CSNK1D: variants seen among roughly 807,000 people sequenced by gnomAD.
The protein encoded by CSNK1D is casein kinase I isoform delta.
Under a neutral mutation model 46.6 loss-of-function variants are expected in CSNK1D, and 16 were observed. That is an observed-to-expected ratio of 0.34 (90% confidence interval 0.23 to 0.52). The LOEUF is 0.52. Among genes scored for constraint, CSNK1D ranks in the 20% least tolerant of loss-of-function variants. The pLI is 0.95. For missense variants in CSNK1D, 398 were observed against 578.4 expected, an observed-to-expected ratio of 0.69 and a Z score of 3.20; for synonymous variants, 276 against 228.2, an observed-to-expected ratio of 1.21 and a Z score of -1.89.
chr17:82,269,054 G>A (rs1213018150), intron 1 of CSNK1D, among the ~76,000 whole-genome samples: 5 of 145,488 alleles, frequency 3.4e-5, no homozygotes, highest in Non-Finnish European at 7.4e-5. Flanking sequence ...CTGAGATCGC[G>A]CCACTGCACC....
chr17:82,256,790 T>C lies in CSNK1D; in HGVS notation c.188-1213A>G, dbSNP rs141289503. Among the ~76,000 whole-genome samples, 172 of 152,238 alleles carry C rather than the reference T, an allele frequency of 1.1e-3. 1 individual carries two copies. Among genetic ancestry groups the C allele is most frequent in the Non-Finnish European group, 2.2e-3 (147 of 68,024 alleles). On this transcript the variant is annotated intron_variant, in intron 2 of 8. Transcript: ENST00000314028. ...TATCCACAAGAACATGTCTCTTCGGTATGTTTTCACAGCACTGGATCCGCA... is the reference window on the plus strand; with the variant it reads ...TATCCACAAGAACATGTCTCTTCGGCATGTTTTCACAGCACTGGATCCGCA...
chr17:82,239,977 CAGTA>C (rs764606597), downstream of CSNK1D: 89 of 1,233,434 alleles, frequency 7.2e-5, no homozygotes, highest in Non-Finnish European at 8.9e-5. Flanking sequence ...CCGGGGCCCT[CAGTA>C]GGTGCGTCGT....
Position 82,252,409 on chromosome 17 carries a change from TGAG to T in CSNK1D, c.736+22_736+24del. The stretch of plus-strand genomic sequence containing the variant: ...ATGCAACCCCTGTGAGCAGCTCCGC[TGAG>T]AAGAGGCCTCCAGAGACTTACAAGG... On this transcript the variant is annotated intron_variant, in intron 5 of 8. Transcript: ENST00000314028. This position sits in a 1 kb window ranked among gnomAD's most constrained non-coding sequence, Gnocchi z 4.6. 1 of 1,613,924 alleles carries T rather than the reference TGAG, an allele frequency of 6.2e-7. No individual in the cohort carries two copies. The highest frequency in any genetic ancestry group is 8.5e-7 in the Non-Finnish European group (1 of 1,179,870).
At position 82,247,729 on chromosome 17, in the gene CSNK1D, G is replaced by A. The variant is rs561899348; in HGVS notation, c.1197+1146C>T. 2.3e-4 allele frequency: 222 copies of A among 985,414 alleles called. No individual in the cohort carries two copies. In the South Asian group the frequency reaches 9.3e-3, roughly 41 times the overall value. The allele number at this position is 985,414 out of a possible 1,614,324, so 61.0% of individuals were successfully genotyped here. Reference sequence around the variant, plus strand: ...TGACAGCAGGGTTGTGTGCACGTAAGGGACCCATTCTCGTGACGCAGCCCA... The same window carrying A: ...TGACAGCAGGGTTGTGTGCACGTAAAGGACCCATTCTCGTGACGCAGCCCA... On this transcript the variant is annotated intron_variant, in intron 8 of 8. Coordinates refer to ENST00000314028, the MANE Select transcript of CSNK1D (RefSeq NM_001893.6).
Position 82,252,489 on chromosome 17 carries a change from C to T in CSNK1D, c.681G>A (p.Arg227=). 3 of 1,614,120 alleles carry T rather than the reference C, an allele frequency of 1.9e-6. No homozygotes were observed. The highest frequency in any genetic ancestry group is 2.5e-6 in the Non-Finnish European group (3 of 1,180,030). Residue 227 remains arginine, a synonymous_variant, in exon 5 of 9, where the codon AGG becomes AGA. Transcript: ENST00000314028. This position sits in a 1 kb window ranked among gnomAD's most constrained non-coding sequence, Gnocchi z 4.6. The part of the protein sequence containing the change: ...KAATKRQKYE[R]ISEKKMSTPI... ...GGGTGGACATTTTCTTCTCGCTAAT[C>T]CTTTCGTATTTCTGTCTCTTGGTGG...
At position 82,251,099 on chromosome 17, in the gene CSNK1D, A is replaced by C; in HGVS notation, c.885+280T>G. The C allele has an allele frequency of 2.2e-6, 1 of 450,092 alleles. No individual in the cohort carries two copies. Among genetic ancestry groups the C allele is most frequent in the Non-Finnish European group, 4.1e-6 (1 of 241,334 alleles). The allele number at this position is 450,092 out of a possible 1,614,324, so 27.9% of individuals were successfully genotyped here. A position where few individuals can be genotyped will look rare whatever the true frequency, so the allele number is the denominator to read the frequency against. ...GCCCCCAGGGCATGCTCTGGGCCCT[A>C]GCTCCGCTTGGTGACAGGGAGGGAA... On this transcript the variant is annotated intron_variant, in intron 6 of 8. Transcript: ENST00000314028. This position sits in a 1 kb window ranked among gnomAD's most constrained non-coding sequence, Gnocchi z 4.5.
chr17:82,249,159 G>GA lies in CSNK1D; in HGVS notation c.1058-146dup. ...TGTGGCCGATGGCCACCAACACTCA[G>GA]ATCCGGCCGGAGGGACACAAAGGGA... On this transcript the variant is annotated intron_variant, in intron 7 of 8. Transcript: ENST00000314028. The surrounding 1 kb of genome is among the most constrained non-coding windows in gnomAD (Gnocchi z 6.7). The GA allele has an allele frequency of 9.6e-7, 1 of 1,042,046 alleles. No homozygotes were observed. Among genetic ancestry groups the GA allele is most frequent in the South Asian group, 1.6e-5 (1 of 63,048 alleles). The allele number at this position is 1,042,046 out of a possible 1,614,324, so 64.5% of individuals were successfully genotyped here.
chr17:82,252,934 G>T lies in CSNK1D; in HGVS notation c.565+82C>A. 7.6e-7 allele frequency: 1 copy of T among 1,312,136 alleles called. No individual in the cohort carries two copies. Among genetic ancestry groups the T allele is most frequent in the South Asian group, 1.2e-5 (1 of 82,602 alleles). 81.3% of individuals were successfully genotyped at this position (1,312,136 alleles called of 1,614,324 possible). On this transcript the variant is annotated intron_variant, in intron 4 of 8. Transcript: ENST00000314028. The surrounding 1 kb of genome is among the most constrained non-coding windows in gnomAD (Gnocchi z 4.6). ...GACACGCTTGCAGCCCCAGCTCCCC[G>T]AGAGGCTGGCCTCTCCCTGGGCTGA...
chr17:82,262,327 A>G (rs985325822), intron 2 of CSNK1D, among the ~76,000 whole-genome samples: 2 of 152,208 alleles, frequency 1.3e-5, no homozygotes, highest in Admixed American at 6.5e-5. Context: ...CTGTGAAGTT[A>G]CACAGCCTTC....
At chr17:82,257,596 C>T (rs1448363909) in intron 2 of CSNK1D, among the ~76,000 whole-genome samples, 1 of 152,232 alleles carries the variant, frequency 6.6e-6, no homozygotes, top group Admixed American at 6.5e-5. Flanking sequence ...CAATGACTGA[C>T]AGCCGTGCCA....
In CSNK1D at chr17:82,255,486, G is replaced by A. The variant is rs1394727192; in HGVS notation, c.279C>T (p.Phe93=). The change falls in exon 3 of 9, where the codon TTC becomes TTT. Residue 93 remains phenylalanine (F), a synonymous_variant. Coordinates refer to ENST00000314028, the MANE Select transcript of CSNK1D (RefSeq NM_001893.6). This position sits in a 1 kb window ranked among gnomAD's most constrained non-coding sequence, Gnocchi z 5.9. ...GGCTGAATTTCCTGGAGCAGAAGTT[G>A]AAGAGGTCCTCCAGGCTTGGCCCCA... The part of the protein sequence containing the change: ...ELLGPSLEDL[F]NFCSRKFSLK... 1 of 1,614,184 alleles carries A rather than the reference G, an allele frequency of 6.2e-7. No homozygotes were observed. The highest frequency in any genetic ancestry group is 1.3e-5 in the African/African-American group (1 of 75,038).
chr17:82,273,688 G>T lies in CSNK1D; in HGVS notation c.-307C>A. 4.0e-6 allele frequency: 2 copies of T among 500,130 alleles called. No individual in the cohort carries two copies. The highest frequency in any genetic ancestry group is 5.1e-4 in the Middle Eastern group (1 of 1,966). The allele number at this position is 500,130 out of a possible 1,614,324, so 31.0% of individuals were successfully genotyped here. A position where few individuals can be genotyped will look rare whatever the true frequency, so the allele number is the denominator to read the frequency against. On this transcript the variant is annotated 5_prime_UTR_variant, in exon 1 of 9. Coordinates refer to ENST00000314028, the MANE Select transcript of CSNK1D (RefSeq NM_001893.6). This position sits in a 1 kb window ranked among gnomAD's most constrained non-coding sequence, Gnocchi z 5.1. Reference sequence around the variant, plus strand: ...CTTTCAGCTGCCTAAAGGAGCCGCCGCCATCGCGCTGTGACGTCACTTCCC... The same window carrying T: ...CTTTCAGCTGCCTAAAGGAGCCGCCTCCATCGCGCTGTGACGTCACTTCCC...
In CSNK1D at chr17:82,253,153, T is replaced by A. The variant is rs748422475; in HGVS notation, c.428A>T (p.Asn143Ile). ...CCCGAAGTCGATGATGTACACCAGG[T>A]TGCCCTTCTTCCCCAGGCCCATGAG... ...NFLMGLGKKG[N>I]LVYIIDFGLA... Residue 143 changes from asparagine to isoleucine, a missense_variant, in exon 4 of 9, where the codon AAC (asparagine) becomes ATC (isoleucine). Physicochemically the swap from Asn to Ile is moderately radical, Grantham distance 149 (BLOSUM62 -3). Transcript: ENST00000314028. The A allele has an allele frequency of 6.2e-7, 1 of 1,614,216 alleles. No homozygotes were observed. Among genetic ancestry groups the A allele is most frequent in the African/African-American group, 1.3e-5 (1 of 75,060 alleles).
At position 82,248,078 on chromosome 17, in the gene CSNK1D, C is replaced by T. The variant is rs2050896097; in HGVS notation, c.1197+797G>A. 1 of 985,384 alleles carries T rather than the reference C, an allele frequency of 1.0e-6. No individual in the cohort carries two copies. The highest frequency in any genetic ancestry group is 1.2e-6 in the Non-Finnish European group (1 of 829,980). 61.0% of individuals were successfully genotyped at this position (985,384 alleles called of 1,614,324 possible). On this transcript the variant is annotated intron_variant, in intron 8 of 8. Transcript: ENST00000314028. The surrounding 1 kb of genome is among the most constrained non-coding windows in gnomAD (Gnocchi z 4.1). ...TCCAGGGCATTTCTGAACTGAGTTC[C>T]TGCTCATCCGGAAGACCCGTGGGGG... is the stretch of plus-strand genomic sequence containing the variant.
At chr17:82,244,925 G>A (rs1354497817) in intron 8 of CSNK1D, 94 bp from the exon 9 acceptor site, 102 of 1,535,114 alleles carry the variant, frequency 6.6e-5, no homozygotes, top group Non-Finnish European at 8.3e-5. Flanking sequence ...GGGAGGGGAC[G>A]CACCGCCACC....
Position 82,249,799 on chromosome 17 carries a change from C to A in CSNK1D, c.886-197G>T. ...TCCCCACAAGGGGTCAGAGCCAGGC[C>A]TCTCAGCTCCCCCAACAATCGAAAA... On this transcript the variant is annotated intron_variant, in intron 6 of 8. Coordinates refer to ENST00000314028, the MANE Select transcript of CSNK1D (RefSeq NM_001893.6). This position sits in a 1 kb window ranked among gnomAD's most constrained non-coding sequence, Gnocchi z 6.7. 1.4e-6 allele frequency: 2 copies of A among 1,441,090 alleles called. No individual in the cohort carries two copies. Among genetic ancestry groups the A allele is most frequent in the Non-Finnish European group, 1.8e-6 (2 of 1,101,586 alleles). The allele number at this position is 1,441,090 out of a possible 1,614,324, so 89.3% of individuals were successfully genotyped here. A position where few individuals can be genotyped will look rare whatever the true frequency, so the allele number is the denominator to read the frequency against.
intron 2 of CSNK1D, among the ~76,000 whole-genome samples, chr17:82,264,850 T>C (rs2051427867): frequency 6.6e-6 from 1 of 150,448 alleles, no homozygotes; most frequent in African/African-American, 2.5e-5. Context: ...CAGGCTGGAC[T>C]GCAGTGGCGC....
At chr17:82,272,851 C>G (rs943777331) in intron 1 of CSNK1D, among the ~76,000 whole-genome samples, 1 of 152,074 alleles carries the variant, frequency 6.6e-6, no homozygotes, top group African/African-American at 2.4e-5. Context: ...TAGAGGAAGC[C>G]GACGCCCGCT....
chr17:82,242,372 CT>C (rs1262056417), downstream of CSNK1D, among the ~76,000 whole-genome samples: 1 of 152,218 alleles, frequency 6.6e-6, no homozygotes, highest in African/African-American at 2.4e-5. Flanking sequence ...TGGAGTGCGG[CT>C]GCCGGTGCCG....
Sources: allele counts gnomAD v4.1 joint callset (sites outside exome capture counted in the v4.1 genomes callset), GRCh38; gene constraint gnomAD v4.1.1; non-coding constraint Gnocchi (gnomAD v3.1); transcripts MANE v1.5; gene names NCBI Gene and HGNC (gene_info 2026-07-23, HGNC 2026-07-21).